TBC1D22A: variants seen among roughly 807,000 people sequenced by gnomAD.
The protein encoded by TBC1D22A is TBC1 domain family member 22A, also known as putative GTPase activator.
A neutral mutation model predicts 60.2 loss-of-function variants in TBC1D22A; 38 were observed. The ratio of observed to expected loss-of-function variants is 0.63; its 90% CI spans 0.49 to 0.83. TBC1D22A has a LOEUF of 0.83. Ranked by LOEUF, TBC1D22A falls within the 40% of genes least tolerant of loss-of-function variation. TBC1D22A has a pLI of 0.00. For missense variants in TBC1D22A, 628 were observed against 701.0 expected, an observed-to-expected ratio of 0.90 and a Z score of 1.18; for synonymous variants, 302 against 281.7, an observed-to-expected ratio of 1.07 and a Z score of -0.72.
At position 46,819,994 on chromosome 22, in the gene TBC1D22A, A is replaced by AT. The variant is rs1183150823; in HGVS notation, c.637+22378dup. On this transcript the variant is annotated intron_variant, in intron 4 of 12. Coordinates refer to ENST00000337137, the MANE Select transcript of TBC1D22A (RefSeq NM_014346.5). ...GGTATATGCATCTAGGAATTTATCC[A>AT]TTTTGTCTGGATTTTCTAGTTTATT... 5.3e-5 allele frequency among the ~76,000 whole-genome samples: 8 copies of AT among 152,138 alleles called. No homozygotes were observed. In the South Asian group the frequency reaches 1.7e-3, roughly 32 times the overall value.
At chr22:46,829,907 A>T (rs2086236481) in intron 4 of TBC1D22A, among the ~76,000 whole-genome samples, 3 of 152,196 alleles carry the variant, frequency 2.0e-5, no homozygotes, top group Non-Finnish European at 4.4e-5. Flanking sequence ...TAAAGAAAAA[A>T]ATCCCAAGAC....
chr22:47,078,365 G>C (rs2064313223), intron 11 of TBC1D22A, among the ~76,000 whole-genome samples: 1 of 152,196 alleles, frequency 6.6e-6, no homozygotes, highest in African/African-American at 2.4e-5. Context: ...TGTAGAAAAA[G>C]GGTGAGAATT....
At chr22:46,866,959 C>G (rs182866451) in intron 4 of TBC1D22A, among the ~76,000 whole-genome samples, 1 of 152,276 alleles carries the variant, frequency 6.6e-6, no homozygotes, top group Non-Finnish European at 1.5e-5. Context: ...CCTTCACAAA[C>G]GTTTTGTATC....
intron 8 of TBC1D22A, among the ~76,000 whole-genome samples, chr22:46,964,692 T>G (rs1463404226): frequency 6.6e-6 from 1 of 152,230 alleles, no homozygotes; most frequent in African/African-American, 2.4e-5. Context: ...TAAGCAGTTT[T>G]TTACCTGATT....
intron 11 of TBC1D22A, among the ~76,000 whole-genome samples, chr22:47,079,084 C>CATTT (rs1556117651): frequency 0.058 from 7,203 of 124,838 alleles, 250 homozygotes; most frequent in Admixed American, 0.13. Flanking sequence ...GTAGAGCAGA[C>CATTT]TTTTTTTTTT....
chr22:47,149,476 C>A (rs1001244145), intron 12 of TBC1D22A, among the ~76,000 whole-genome samples: 1 of 152,398 alleles, frequency 6.6e-6, no homozygotes, highest in African/African-American at 2.4e-5. Flanking sequence ...GCCACCCCCA[C>A]GGCCACAGGC....
intron 8 of TBC1D22A, among the ~76,000 whole-genome samples, chr22:46,941,208 T>C (rs866618430): frequency 9.4e-4 from 80 of 84,876 alleles, no homozygotes; most frequent in African/African-American, 1.1e-3. Flanking sequence ...TATATATGTA[T>C]ACACACACAC....
intron 12 of TBC1D22A, among the ~76,000 whole-genome samples, chr22:47,162,918 A>G (rs1229019989): frequency 6.6e-6 from 1 of 152,160 alleles, no homozygotes; most frequent in East Asian, 1.9e-4. Context: ...TAAAGCACAC[A>G]CCATGTGTCT....
chr22:46,974,864 C>G (rs1454811972), intron 9 of TBC1D22A, among the ~76,000 whole-genome samples: 2 of 152,238 alleles, frequency 1.3e-5, no homozygotes, highest in Non-Finnish European at 2.9e-5. Context: ...GCAGCTGTGC[C>G]TGCTCCCAGA....
At chr22:46,808,654 G>A (rs983567807) in intron 4 of TBC1D22A, among the ~76,000 whole-genome samples, 1 of 152,116 alleles carries the variant, frequency 6.6e-6, no homozygotes, top group Non-Finnish European at 1.5e-5. Context: ...GAGTGCAGTG[G>A]CGCGATGTTG....
intron 7 of TBC1D22A, among the ~76,000 whole-genome samples, chr22:46,907,883 C>T (rs948040476): frequency 1.3e-5 from 2 of 152,126 alleles, no homozygotes; most frequent in African/African-American, 2.4e-5. Flanking sequence ...GGTGGAACAT[C>T]GTGGGAGCCG....
chr22:46,793,446 G>A, intron 2 of TBC1D22A, 55 bp from the exon 3 acceptor site: 1 of 1,566,824 alleles, frequency 6.4e-7, no homozygotes, highest in South Asian at 1.1e-5. Flanking sequence ...TTTCCTGGCT[G>A]GTTTTGGGTG....
Position 46,793,782 on chromosome 22 carries a change from C to A in TBC1D22A, c.401C>A (p.Pro134His), listed in dbSNP as rs201151937. 5.6e-6 allele frequency: 9 copies of A among 1,601,234 alleles called. No homozygotes were observed. Among genetic ancestry groups the A allele is most frequent in the Middle Eastern group, 3.3e-4 (2 of 5,988 alleles). The change falls in exon 3 of 13, where the codon CCC (proline) becomes CAC (histidine). Residue 134 changes from proline to histidine, a missense_variant. Pro to His is a moderately conservative substitution (Grantham distance 77). Coordinates refer to ENST00000337137, the MANE Select transcript of TBC1D22A (RefSeq NM_014346.5). Reference sequence around the variant, plus strand: ...CCCGAGGCAGAGCCGCCCTCACCCCCCAGCGGCGACCTCCGGCTGGTGAAG... The same window carrying A: ...CCCGAGGCAGAGCCGCCCTCACCCCACAGCGGCGACCTCCGGCTGGTGAAG... ...PRPEAEPPSP[P>H]SGDLRLVKSV...
intron 1 of TBC1D22A, among the ~76,000 whole-genome samples, chr22:46,771,442 CACTGAACAGTGTAT>C (rs1210673127): frequency 3.3e-5 from 5 of 152,070 alleles, no homozygotes; most frequent in Admixed American, 2.6e-4. Flanking sequence ...GAGCAGTATA[CACTGAACAGTGTAT>C]ACTGAACAGT....
At chr22:47,060,994 A>T (rs1407068431) in intron 11 of TBC1D22A, among the ~76,000 whole-genome samples, 1 of 152,208 alleles carries the variant, frequency 6.6e-6, no homozygotes, top group African/African-American at 2.4e-5. Flanking sequence ...GGGATCATTC[A>T]AGGTAACCAC....
At chr22:46,973,702 A>C (rs1056499248) in intron 8 of TBC1D22A, among the ~76,000 whole-genome samples, 1 of 152,228 alleles carries the variant, frequency 6.6e-6, no homozygotes, top group African/African-American at 2.4e-5. Flanking sequence ...TCTGTTTTGC[A>C]TTTTAAAAAC....
intron 7 of TBC1D22A, among the ~76,000 whole-genome samples, chr22:46,899,338 T>G (rs1446536433): frequency 2.0e-5 from 3 of 151,996 alleles, no homozygotes; most frequent in Admixed American, 6.6e-5. Context: ...TCCCAGCTAC[T>G]TGGGAGGCTG....
intron 5 of TBC1D22A, among the ~76,000 whole-genome samples, chr22:46,884,799 G>A (rs1200829563): frequency 6.6e-6 from 1 of 152,218 alleles, no homozygotes; most frequent in Non-Finnish European, 1.5e-5. Context: ...CAGAGGAAGA[G>A]TAAGTTCAGA....
At chr22:46,944,972 T>C (rs2072440232) in intron 8 of TBC1D22A, among the ~76,000 whole-genome samples, 1 of 152,238 alleles carries the variant, frequency 6.6e-6, no homozygotes. Context: ...TATCTCAATT[T>C]CTGTCATCTT....
Sources: gnomAD v4.1 joint callset for allele counts (sites outside exome capture counted in the v4.1 genomes callset) on GRCh38, gnomAD v4.1.1 for gene constraint, MANE v1.5 for transcripts, NCBI Gene and HGNC (gene_info 2026-07-23, HGNC 2026-07-21) for gene names.